Variants in PBX3 observed in about 807,000 individuals in gnomAD.
PBX3 encodes pre-B-cell leukemia transcription factor 3.
A neutral mutation model predicts 48.5 loss-of-function variants in PBX3; 14 were observed. That is an observed-to-expected ratio of 0.29 (90% CI 0.19 to 0.45). The LOEUF (loss-of-function observed/expected upper bound fraction) is 0.45. Among genes scored for constraint, PBX3 ranks in the 20% least tolerant of loss-of-function variants. The pLI is 1.00. For missense variants in PBX3, 386 were observed against 546.7 expected, an observed-to-expected ratio of 0.71 and a Z score of 2.93; for synonymous variants, 210 against 200.3, an observed-to-expected ratio of 1.05 and a Z score of -0.41.
At chr9:125,818,762 G>C (rs1838555295) in intron 2 of PBX3, among the ~76,000 whole-genome samples, 1 of 152,124 alleles carries the variant, frequency 6.6e-6, no homozygotes, top group Non-Finnish European at 1.5e-5. Flanking sequence ...CAAAGTGTTA[G>C]GATTACAGGC....
intron 2 of PBX3, among the ~76,000 whole-genome samples, chr9:125,818,249 G>A (rs1385020522): frequency 6.6e-6 from 1 of 150,410 alleles, no homozygotes; most frequent in Non-Finnish European, 1.5e-5. Flanking sequence ...AGTATTACCA[G>A]AGAGTTCCTG....
At chr9:125,870,769 A>AT (rs1840103163) in intron 2 of PBX3, among the ~76,000 whole-genome samples, 1 of 152,218 alleles carries the variant, frequency 6.6e-6, no homozygotes, top group South Asian at 2.1e-4. Flanking sequence ...AGGTTCATTT[A>AT]TTGTCTGGAC....
intron 2 of PBX3, among the ~76,000 whole-genome samples, chr9:125,794,135 G>GA (rs1252173783): frequency 3.3e-5 from 5 of 152,210 alleles, no homozygotes; most frequent in African/African-American, 9.6e-5. Flanking sequence ...TGAATCGCTT[G>GA]AAAAAATGTT....
chr9:125,820,950 G>A (rs1838633518), intron 2 of PBX3, among the ~76,000 whole-genome samples: 1 of 152,070 alleles, frequency 6.6e-6, no homozygotes, highest in South Asian at 2.1e-4. Flanking sequence ...GTTGCTCAAA[G>A]CAAAAGAAAA....
chr9:125,762,026 A>G (rs960326192), intron 2 of PBX3, among the ~76,000 whole-genome samples: 1 of 152,238 alleles, frequency 6.6e-6, no homozygotes, highest in Non-Finnish European at 1.5e-5. Flanking sequence ...ACATATGATT[A>G]CAGTATTTTT....
intron 2 of PBX3, among the ~76,000 whole-genome samples, chr9:125,850,055 C>G (rs909148122): frequency 6.6e-6 from 1 of 151,936 alleles, no homozygotes; most frequent in East Asian, 1.9e-4. Context: ...TTAAAAAGTC[C>G]TTAAATATAT....
intron 2 of PBX3, among the ~76,000 whole-genome samples, chr9:125,804,792 A>C (rs1264648504): frequency 6.6e-6 from 1 of 151,914 alleles, no homozygotes; most frequent in African/African-American, 2.4e-5. Flanking sequence ...CTAAAAATGC[A>C]AAAAATTAGC....
At chr9:125,844,531 A>C (rs571239787) in intron 2 of PBX3, 3 of 152,150 alleles carry the variant, frequency 2.0e-5, no homozygotes, top group Admixed American at 1.3e-4. Flanking sequence ...ATGTCAAACC[A>C]TGAAGGCATA....
chr9:125,760,363 T>G (rs1326856933), intron 2 of PBX3, among the ~76,000 whole-genome samples: 1 of 152,158 alleles, frequency 6.6e-6, no homozygotes, highest in East Asian at 1.9e-4. Flanking sequence ...GCTTCATAGG[T>G]TCATTGCAGG....
chr9:125,925,001 GCT>G (rs1159453409), intron 3 of PBX3, among the ~76,000 whole-genome samples: 1 of 152,134 alleles, frequency 6.6e-6, no homozygotes, highest in Non-Finnish European at 1.5e-5. Flanking sequence ...CCATAAAAGT[GCT>G]CTTTCTCAAG....
chr9:125,891,358 A>T (rs968500903), intron 2 of PBX3, among the ~76,000 whole-genome samples: 4 of 152,238 alleles, frequency 2.6e-5, no homozygotes, highest in Non-Finnish European at 5.9e-5. Flanking sequence ...TGAATGCCAA[A>T]TCATTAGAAG....
intron 2 of PBX3, among the ~76,000 whole-genome samples, chr9:125,903,310 A>G (rs1167529899): frequency 6.6e-6 from 1 of 151,850 alleles, no homozygotes; most frequent in East Asian, 1.9e-4. Context: ...TGAAATCTCA[A>G]GGGACCAGAC....
At chr9:125,862,978 A>G (rs950866192) in intron 2 of PBX3, among the ~76,000 whole-genome samples, 2 of 151,488 alleles carry the variant, frequency 1.3e-5, no homozygotes, top group African/African-American at 4.9e-5. Context: ...CACTGCTGCA[A>G]CCTCTGCCTC....
intron 2 of PBX3, among the ~76,000 whole-genome samples, chr9:125,854,211 AC>A: frequency 6.6e-6 from 1 of 151,686 alleles, no homozygotes; most frequent in East Asian, 1.9e-4. Context: ...GGCTCACTGC[AC>A]CCCCAACCTC....
rs967705295 is a variant in PBX3 at position 125,899,405 on chromosome 9, A to G, written c.275-16281A>G. Among the ~76,000 whole-genome samples the G allele has an allele frequency of 5.7e-4, 80 of 140,636 alleles. 1 individual carries two copies. The highest frequency in any genetic ancestry group is 2.1e-3 in the African/African-American group (78 of 38,032). The allele number at this position is 140,636 out of a possible 152,430, so 92.3% of individuals were successfully genotyped here. ...TATTTTTATATAAATATACAAATAT[A>G]TGTATGTATATATATGTATGTCTAT... On this transcript the variant is annotated intron_variant, in intron 2 of 8. Transcript: ENST00000373489.
chr9:125,753,535 GTTCT>G (rs1836430552), intron 2 of PBX3, among the ~76,000 whole-genome samples: 1 of 151,828 alleles, frequency 6.6e-6, no homozygotes, highest in Admixed American at 6.6e-5. Flanking sequence ...TTCCAATCCT[GTTCT>G]TTATTTTTTT....
At chr9:125,938,444 A>G (rs555211170) in intron 5 of PBX3, among the ~76,000 whole-genome samples, 4 of 152,346 alleles carry the variant, frequency 2.6e-5, no homozygotes, top group South Asian at 2.1e-4. Context: ...GTGTCTCTCC[A>G]TAGACCATTT....
At chr9:125,931,726 C>T (rs1158777241) in intron 4 of PBX3, among the ~76,000 whole-genome samples, 1 of 152,090 alleles carries the variant, frequency 6.6e-6, no homozygotes, top group Non-Finnish European at 1.5e-5. Context: ...AGGAAACAGA[C>T]AGTAAACAGG....
chr9:125,813,234 C>T (rs967413847), intron 2 of PBX3, among the ~76,000 whole-genome samples: 8 of 151,664 alleles, frequency 5.3e-5, no homozygotes, highest in East Asian at 1.9e-4. Flanking sequence ...TTTTTATATC[C>T]GTATTCTATA....
Sources: allele counts gnomAD v4.1 joint callset (sites outside exome capture counted in the v4.1 genomes callset), GRCh38; gene constraint gnomAD v4.1.1; transcripts MANE v1.5; gene names NCBI Gene and HGNC (gene_info 2026-07-23, HGNC 2026-07-21).